Variants in EFEMP1 observed in about 807,000 individuals in gnomAD.
EFEMP1 encodes the protein EGF-like fibulin extracellular matrix protein 1, also known as EGF-containing fibulin-like extracellular matrix protein 1.
In EFEMP1, 18 loss-of-function variants were observed where a neutral mutation model predicts 65.7. The ratio of observed to expected loss-of-function variants is 0.27; its 90% CI spans 0.19 to 0.41. The LOEUF is 0.41. Among genes scored for constraint, EFEMP1 ranks in the 10% least tolerant of loss-of-function variants. The pLI is 1.00. For missense variants in EFEMP1, 469 were observed against 624.8 expected, an observed-to-expected ratio of 0.75 and a Z score of 2.66; for synonymous variants, 237 against 219.7, an observed-to-expected ratio of 1.08 and a Z score of -0.70.
At chr2:55,889,088 G>A (rs1291910266) in intron 5 of EFEMP1, among the ~76,000 whole-genome samples, 1 of 152,156 alleles carries the variant, frequency 6.6e-6, no homozygotes, top group Non-Finnish European at 1.5e-5. Flanking sequence ...CTGAGGCCTT[G>A]CAGCCAGATT....
intron 3 of EFEMP1, 53 bp from the exon 4 acceptor site, chr2:55,918,320 A>C (rs1670787370): frequency 4.4e-6 from 7 of 1,592,890 alleles, no homozygotes; most frequent in Non-Finnish European, 6.0e-6. Context: ...TGGTGTGTCC[A>C]TTCCCTAAGA....
intron 8 of EFEMP1, among the ~76,000 whole-genome samples, chr2:55,875,871 C>G (rs908954726): frequency 6.6e-6 from 1 of 151,322 alleles, no homozygotes. Flanking sequence ...AGGCAGCTGT[C>G]CTGAGGTAGC....
At chr2:55,920,011 T>C (rs114533510) in intron 3 of EFEMP1, among the ~76,000 whole-genome samples, 327 of 152,352 alleles carry the variant, frequency 2.1e-3, no homozygotes, top group African/African-American at 6.9e-3. Context: ...TTGGTTATGT[T>C]GCTCCTCTCT....
Position 55,921,765 on chromosome 2 carries a change from T to A in EFEMP1, c.81+595A>T, listed in dbSNP as rs537263489. Among the ~76,000 whole-genome samples the A allele has an allele frequency of 6.6e-6, 1 of 152,366 alleles. No homozygotes were observed. The highest frequency in any genetic ancestry group is 1.9e-4 in the East Asian group (1 of 5,178). On this transcript the variant is annotated intron_variant, in intron 3 of 11. Coordinates refer to ENST00000355426, the MANE Select transcript of EFEMP1 (RefSeq NM_001039348.3). This position sits in a 1 kb window ranked among gnomAD's most constrained non-coding sequence, Gnocchi z 4.1. ...CTAATTAGAAAATGCAAAACGGAGTTGCACACATTACGTTTTAAAACCACT... is the reference window on the plus strand; with the variant it reads ...CTAATTAGAAAATGCAAAACGGAGTAGCACACATTACGTTTTAAAACCACT...
In EFEMP1 at chr2:55,871,718, G is replaced by T. The variant is rs1668818292; in HGVS notation, c.1001-595C>A. Among the ~76,000 whole-genome samples the T allele has an allele frequency of 6.6e-6, 1 of 152,012 alleles. No homozygotes were observed. Among genetic ancestry groups the T allele is most frequent in the African/African-American group, 2.4e-5 (1 of 41,416 alleles). On this transcript the variant is annotated intron_variant, in intron 9 of 11. Transcript: ENST00000355426. The surrounding 1 kb of genome is among the most constrained non-coding windows in gnomAD (Gnocchi z 4.2). The stretch of plus-strand genomic sequence containing the variant: ...AGCTTATCATCTCTTTCAGGAACTT[G>T]GGAGAAAGGTAAAGGCTAGAAATCT...
chr2:55,869,507 G>T (rs1476971143), intron 11 of EFEMP1, among the ~76,000 whole-genome samples: 2 of 152,046 alleles, frequency 1.3e-5, no homozygotes, highest in Non-Finnish European at 2.9e-5. Flanking sequence ...CTTTTCAGAA[G>T]TTGGTCATGA....
rs773157615 is a variant in EFEMP1, at chr2:55,923,623, C to G, written c.-49+88G>C. The G allele has an allele frequency of 2.4e-4, 236 of 985,616 alleles. No homozygotes were observed. The highest frequency in any genetic ancestry group is 2.7e-4 in the Non-Finnish European group (227 of 830,202). The allele number at this position is 985,616 out of a possible 1,614,324, so 61.1% of individuals were successfully genotyped here. ...CAGGGCAGTTCTCGGGTACTCAACA[C>G]CCCTCAGCTCACCCCACCTCACTCT... On this transcript the variant is annotated intron_variant, in intron 1 of 11. Coordinates refer to ENST00000355426, the MANE Select transcript of EFEMP1 (RefSeq NM_001039348.3). The surrounding 1 kb of genome is among the most constrained non-coding windows in gnomAD (Gnocchi z 5.3).
At position 55,922,245 on chromosome 2, in the gene EFEMP1, A is replaced by G; in HGVS notation, c.81+115T>C. On this transcript the variant is annotated intron_variant, in intron 3 of 11. Coordinates refer to ENST00000355426, the MANE Select transcript of EFEMP1 (RefSeq NM_001039348.3). The surrounding 1 kb of genome is among the most constrained non-coding windows in gnomAD (Gnocchi z 5.5). ...ATGAAGCATGAATGAAGTGTTGTTT[A>G]ATTTATCACCCTCAGCAGAGTATAG... The G allele has an allele frequency of 2.1e-6, 2 of 969,348 alleles. No individual in the cohort carries two copies. The highest frequency in any genetic ancestry group is 3.3e-6 in the Non-Finnish European group (2 of 607,564). The allele number at this position is 969,348 out of a possible 1,614,324, so 60.0% of individuals were successfully genotyped here. A position where few individuals can be genotyped will look rare whatever the true frequency, so the allele number is the denominator to read the frequency against.
At position 55,885,151 on chromosome 2, in the gene EFEMP1, C is replaced by T. The variant is rs545545427; in HGVS notation, c.518-3417G>A. On this transcript the variant is annotated intron_variant, in intron 5 of 11. Transcript: ENST00000355426. This position sits in a 1 kb window ranked among gnomAD's most constrained non-coding sequence, Gnocchi z 4.3. Reference sequence around the variant, plus strand: ...GAGGCTATGAGGTATAAAGCAGATTCGCCAGAAGAGGTGGGTTCTCCACTG... The same window carrying T: ...GAGGCTATGAGGTATAAAGCAGATTTGCCAGAAGAGGTGGGTTCTCCACTG... Among the ~76,000 whole-genome samples the T allele has an allele frequency of 3.9e-5, 6 of 152,132 alleles. No homozygotes were observed. The highest frequency in any genetic ancestry group is 1.9e-4 in the East Asian group (1 of 5,190).
intron 5 of EFEMP1, among the ~76,000 whole-genome samples, chr2:55,894,776 T>A (rs965003346): frequency 5.3e-5 from 8 of 152,222 alleles, no homozygotes; most frequent in Admixed American, 3.3e-4. Flanking sequence ...CTGTTTCTTG[T>A]TACTCTTGTA....
chr2:55,922,355 C>A lies in EFEMP1; in HGVS notation c.81+5G>T. On this transcript the variant is annotated splice_donor_5th_base_variant and intron_variant, in intron 3 of 11. Transcript: ENST00000355426. The surrounding 1 kb of genome is among the most constrained non-coding windows in gnomAD (Gnocchi z 5.5). ...GTACTTATTTCAAATTCCATCACCC[C>A]TTACCGTGTACGTGATGGTTTCTTC... 6.2e-7 allele frequency: 1 copy of A among 1,613,546 alleles called. No individual in the cohort carries two copies. The highest frequency in any genetic ancestry group is 1.1e-5 in the South Asian group (1 of 91,050).
In EFEMP1 at chr2:55,866,903, C is replaced by A. The variant is rs1668597404; in HGVS notation, c.*170G>T. ...ATAGTAATAAAGACAAACTTTGAATCTTTACATATTAAATGCCCACTTTAT... is the reference window on the plus strand; with the variant it reads ...ATAGTAATAAAGACAAACTTTGAATATTTACATATTAAATGCCCACTTTAT... On this transcript the variant is annotated 3_prime_UTR_variant, in exon 12 of 12. Transcript: ENST00000355426. 3 of 816,720 alleles carry A rather than the reference C, an allele frequency of 3.7e-6. No individual in the cohort carries two copies. The highest frequency in any genetic ancestry group is 1.8e-5 in the South Asian group (1 of 55,320). The allele number at this position is 816,720 out of a possible 1,614,324, so 50.6% of individuals were successfully genotyped here. A position where few individuals can be genotyped will look rare whatever the true frequency, so the allele number is the denominator to read the frequency against.
Position 55,871,973 on chromosome 2 carries a change from A to G in EFEMP1, c.1001-850T>C, listed in dbSNP as rs1668826976. 6.6e-6 allele frequency among the ~76,000 whole-genome samples: 1 copy of G among 152,040 alleles called. No homozygotes were observed. The highest frequency in any genetic ancestry group is 2.1e-4 in the South Asian group (1 of 4,824). ...AATCCTGGGAAGAAGGGTTGTGTTT[A>G]CCTCAGGCTGGACAAAGATTGACTT... On this transcript the variant is annotated intron_variant, in intron 9 of 11. Transcript: ENST00000355426. The surrounding 1 kb of genome is among the most constrained non-coding windows in gnomAD (Gnocchi z 4.2).
intron 5 of EFEMP1, among the ~76,000 whole-genome samples, chr2:55,888,478 C>T (rs1331752573): frequency 3.3e-5 from 5 of 151,740 alleles, no homozygotes; most frequent in African/African-American, 9.7e-5. Flanking sequence ...GCTGGGATTA[C>T]AGGCGCCCAC....
intron 5 of EFEMP1, among the ~76,000 whole-genome samples, chr2:55,899,257 C>T (rs945130839): frequency 1.3e-5 from 2 of 152,162 alleles, no homozygotes; most frequent in Non-Finnish European, 2.9e-5. Flanking sequence ...AATTATTGAG[C>T]TGAATTATTT....
At chr2:55,884,964 G>A (rs1244935881) in intron 5 of EFEMP1, among the ~76,000 whole-genome samples, 1 of 152,148 alleles carries the variant, frequency 6.6e-6, no homozygotes, top group Non-Finnish European at 1.5e-5. Context: ...CATTTGCTGA[G>A]AATTGGTACC....
intron 5 of EFEMP1, among the ~76,000 whole-genome samples, chr2:55,903,983 A>AG (rs144219811): frequency 0.058 from 8,805 of 152,088 alleles, 293 homozygotes; most frequent in African/African-American, 0.079. Context: ...TTTCTCTTAC[A>AG]GGGGGTCCTG....
intron 5 of EFEMP1, among the ~76,000 whole-genome samples, chr2:55,904,790 A>G (rs1206451074): frequency 6.6e-6 from 1 of 152,178 alleles, no homozygotes; most frequent in Non-Finnish European, 1.5e-5. Context: ...TAGACAGCAG[A>G]TGATGAGACT....
chr2:55,888,724 G>A (rs10496055), intron 5 of EFEMP1, among the ~76,000 whole-genome samples: 3,997 of 152,248 alleles, frequency 0.026, 184 homozygotes, highest in African/African-American at 0.091. Context: ...AGGTAAACCT[G>A]TATTTTGAAA....
Sources: gnomAD v4.1 joint callset for allele counts (sites outside exome capture counted in the v4.1 genomes callset) on GRCh38, gnomAD v4.1.1 for gene constraint, Gnocchi (gnomAD v3.1) non-coding constraint, MANE v1.5 for transcripts, NCBI Gene and HGNC (gene_info 2026-07-23, HGNC 2026-07-21) for gene names.